The following PPARG variants were observed in gnomAD, a reference collection of about 807,000 sequenced individuals.
PPARG encodes the protein peroxisome proliferator activated receptor gamma, also known as peroxisome proliferator-activated receptor gamma.
A neutral mutation model predicts 39.2 loss-of-function variants in PPARG; 17 were observed. The ratio of observed to expected loss-of-function variants is 0.43; its 90% CI spans 0.30 to 0.65. PPARG has a LOEUF of 0.65. Among genes scored for constraint, PPARG ranks in the 30% least tolerant of loss-of-function variants. The probability of loss-of-function intolerance (pLI) is 0.13; values close to 1 mark genes in which losing one functional copy is unlikely to be tolerated. For synonymous variants in PPARG, 223 were observed against 215.7 expected, an observed-to-expected ratio of 1.03 and a Z score of -0.30; for missense variants, 406 against 585.9, an observed-to-expected ratio of 0.69 and a Z score of 3.17.
chr3:12,293,662 A>G (rs1174662948), intron 1 of PPARG, among the ~76,000 whole-genome samples: 1 of 152,198 alleles, frequency 6.6e-6, no homozygotes, highest in Non-Finnish European at 1.5e-5. Context: ...TCTTGGTGAC[A>G]TTGTAGGACA....
At chr3:12,429,175 A>G (rs2051564988) in intron 7 of PPARG, among the ~76,000 whole-genome samples, 2 of 152,098 alleles carry the variant, frequency 1.3e-5, no homozygotes, top group Admixed American at 1.3e-4. Context: ...TGGCCACAAA[A>G]TTTCAGCCCT....
At chr3:12,387,943 C>T (rs1391623272) in intron 4 of PPARG, among the ~76,000 whole-genome samples, 1 of 152,130 alleles carries the variant, frequency 6.6e-6, no homozygotes, top group Non-Finnish European at 1.5e-5. Flanking sequence ...AAACCTTCCT[C>T]TCCTAGCCAT....
chr3:12,305,592 A>T (rs998360266), intron 1 of PPARG, among the ~76,000 whole-genome samples: 2 of 152,210 alleles, frequency 1.3e-5, no homozygotes, highest in Non-Finnish European at 2.9e-5. Flanking sequence ...GTGCAGTCAT[A>T]CAAGAGCTGG....
chr3:12,288,912 G>A (rs17036170), upstream of PPARG: 1,721 of 152,590 alleles, frequency 0.011, 16 homozygotes, highest in Middle Eastern at 0.017. Flanking sequence ...AGAGGCAGCA[G>A]AGGTTAACAG....
At chr3:12,310,969 TGG>T (rs2047225538) in intron 1 of PPARG, among the ~76,000 whole-genome samples, 2 of 151,956 alleles carry the variant, frequency 1.3e-5, no homozygotes, top group African/African-American at 2.4e-5. Context: ...GCTGTGATAC[TGG>T]TCAGCAGTCA....
At chr3:12,351,209 G>A (rs1379161094) in intron 2 of PPARG, among the ~76,000 whole-genome samples, 1 of 152,198 alleles carries the variant, frequency 6.6e-6, no homozygotes, top group Non-Finnish European at 1.5e-5. Flanking sequence ...AAAAATGCAA[G>A]TGGATATTGA....
intron 5 of PPARG, among the ~76,000 whole-genome samples, chr3:12,402,678 G>A (rs2050516424): frequency 6.6e-6 from 1 of 152,120 alleles, no homozygotes; most frequent in South Asian, 2.1e-4. Context: ...TAATTGAGTG[G>A]ATGGATGGCC....
intron 1 of PPARG, among the ~76,000 whole-genome samples, chr3:12,296,687 A>G (rs1463430280): frequency 6.6e-6 from 1 of 152,208 alleles, no homozygotes; most frequent in Non-Finnish European, 1.5e-5. Flanking sequence ...TAGCCGGCTC[A>G]CTAATTAGAC....
Position 12,408,556 on chromosome 3 carries a change from T to G in PPARG, c.729+2475T>G, listed in dbSNP as rs2050755650. Reference sequence around the variant, plus strand: ...TCTACAGTTTTGGTTAGTTTTCTTTTCTTTTCTTTTCTTTTTTTTTTTTTT... The same window carrying G: ...TCTACAGTTTTGGTTAGTTTTCTTTGCTTTTCTTTTCTTTTTTTTTTTTTT... On this transcript the variant is annotated intron_variant, in intron 6 of 7. Transcript: ENST00000651735. Among the ~76,000 whole-genome samples the G allele has an allele frequency of 2.1e-5, 3 of 142,346 alleles. No individual in the cohort carries two copies. In the South Asian group the frequency reaches 6.3e-4, roughly 30 times the overall value. The allele number at this position is 142,346 out of a possible 152,430, so 93.4% of individuals were successfully genotyped here. A position where few individuals can be genotyped will look rare whatever the true frequency, so the allele number is the denominator to read the frequency against.
chr3:12,363,863 C>T (rs1331699100), intron 2 of PPARG, among the ~76,000 whole-genome samples: 2 of 152,004 alleles, frequency 1.3e-5, no homozygotes, highest in Non-Finnish European at 2.9e-5. Context: ...ATCTAAACAC[C>T]GTTCTTCTTC....
At chr3:12,358,486 A>G (rs2048736357) in intron 2 of PPARG, among the ~76,000 whole-genome samples, 1 of 152,132 alleles carries the variant, frequency 6.6e-6, no homozygotes, top group Non-Finnish European at 1.5e-5. Context: ...AAATATTCTC[A>G]TTATTCTTAT....
chr3:12,335,281 C>G (rs566381157), intron 2 of PPARG, among the ~76,000 whole-genome samples: 4 of 152,270 alleles, frequency 2.6e-5, no homozygotes, highest in African/African-American at 9.6e-5. Context: ...ATAGCTAAGG[C>G]TTATGGTTAA....
At chr3:12,298,347 G>C (rs904771514) in intron 1 of PPARG, among the ~76,000 whole-genome samples, 1 of 139,128 alleles carries the variant, frequency 7.2e-6, no homozygotes, top group East Asian at 2.0e-4. Context: ...AATAGCAAGC[G>C]AGTAGAGGTT....
rs1377696807 is a variant in PPARG at position 12,357,627 on chromosome 3, G to A, written c.-8-22077G>A. The stretch of plus-strand genomic sequence containing the variant: ...TGGTGGATTCTATGTATTGCTTACT[G>A]TCTGCTTCACCTCCCTGGAATGTTA... On this transcript the variant is annotated intron_variant, in intron 2 of 7. Transcript: ENST00000651735. Among the ~76,000 whole-genome samples the A allele has an allele frequency of 3.9e-5, 6 of 152,154 alleles. No individual in the cohort carries two copies. In the East Asian group the frequency reaches 1.2e-3, roughly 29 times the overall value.
intron 2 of PPARG, among the ~76,000 whole-genome samples, chr3:12,376,680 T>TGGGAA (rs2049424580): frequency 6.6e-6 from 1 of 152,182 alleles, no homozygotes; most frequent in Non-Finnish European, 1.5e-5. Flanking sequence ...AAAGGTAGGA[T>TGGGAA]GTACCGGGCA....
Position 12,381,362 on chromosome 3 carries a change from T to C in PPARG, c.261T>C (p.Ser87=). ...KVEPASPPYY[S]EKTQLYNKPH... ...AGCCTGCATCTCCACCTTATTATTC[T>C]GAGAAGACTCAGCTCTACAATAAGC... The change falls in exon 4 of 8, where the codon TCT becomes TCC. Residue 87 remains serine (S), a synonymous_variant. Transcript: ENST00000651735. The C allele has an allele frequency of 1.9e-6, 3 of 1,613,424 alleles. No individual in the cohort carries two copies. The highest frequency in any genetic ancestry group is 2.5e-6 in the Non-Finnish European group (3 of 1,179,694).
chr3:12,371,902 A>C, intron 2 of PPARG: 2 of 708,568 alleles, frequency 2.8e-6, no homozygotes, highest in Non-Finnish European at 5.2e-6. Flanking sequence ...TGGGAGAGGA[A>C]TTAGTAAATT....
chr3:12,366,181 A>G (rs1364767618), intron 2 of PPARG, among the ~76,000 whole-genome samples: 1 of 152,140 alleles, frequency 6.6e-6, no homozygotes, highest in Non-Finnish European at 1.5e-5. Context: ...AACAGACATT[A>G]TGAGGAAAAT....
At chr3:12,328,474 C>A (rs531228758) in intron 2 of PPARG, among the ~76,000 whole-genome samples, 1 of 152,364 alleles carries the variant, frequency 6.6e-6, no homozygotes, top group African/African-American at 2.4e-5. Context: ...TTGCCTGCCA[C>A]CTCTGCCCAG....
Sources: gnomAD v4.1 joint callset for allele counts (sites outside exome capture counted in the v4.1 genomes callset) on GRCh38, gnomAD v4.1.1 for gene constraint, MANE v1.5 for transcripts, NCBI Gene and HGNC (gene_info 2026-07-23, HGNC 2026-07-21) for gene names.